The following CDK17 variants were observed in gnomAD, a reference collection of about 807,000 sequenced individuals.
CDK17 encodes cyclin dependent kinase 17.
CDK17 carries 24 observed loss-of-function variants against 77.6 expected under a neutral mutation model. The ratio of observed to expected loss-of-function variants is 0.31; its 90% confidence interval spans 0.22 to 0.44. The LOEUF (loss-of-function observed/expected upper bound fraction) is 0.44, where lower values mean the gene tolerates loss of function less well. CDK17 is among the 20% of genes least tolerant of loss of function. The pLI, the probability that CDK17 is intolerant of heterozygous loss-of-function variation, is 1.00. For synonymous variants in CDK17, 203 were observed against 210.4 expected, an observed-to-expected ratio of 0.96 and a Z score of 0.30; for missense variants, 429 against 622.5, an observed-to-expected ratio of 0.69 and a Z score of 3.31.
chr12:96,326,214 GATC>G (rs1219805395), intron 2 of CDK17, among the ~76,000 whole-genome samples: 1 of 152,130 alleles, frequency 6.6e-6, no homozygotes, highest in African/African-American at 2.4e-5. Flanking sequence ...AAAAAATGGG[GATC>G]ATAAGGACAT....
At chr12:96,386,875 C>G (rs1385392626) in intron 1 of CDK17, 1 of 195,392 alleles carries the variant, frequency 5.1e-6, no homozygotes, top group African/African-American at 2.4e-5. Flanking sequence ...GCCATGTACT[C>G]TTCCTCTACC....
At chr12:96,363,575 T>C (rs1953531638) in intron 1 of CDK17, among the ~76,000 whole-genome samples, 1 of 151,846 alleles carries the variant, frequency 6.6e-6, no homozygotes, top group Admixed American at 6.6e-5. Context: ...GGGCCAGGTG[T>C]GGTGGCTCAT....
At chr12:96,360,311 G>GTATCT (rs1953472441) in intron 1 of CDK17, among the ~76,000 whole-genome samples, 1 of 152,160 alleles carries the variant, frequency 6.6e-6, no homozygotes, top group African/African-American at 2.4e-5. Flanking sequence ...CATTTGAAAG[G>GTATCT]TATCTTGATA....
In CDK17 at chr12:96,315,962, C is replaced by A. The variant is rs554152776; in HGVS notation, c.284-2508G>T. On this transcript the variant is annotated intron_variant, in intron 3 of 16. Coordinates refer to ENST00000261211, the MANE Select transcript of CDK17 (RefSeq NM_002595.5). The stretch of plus-strand genomic sequence containing the variant: ...AAATCAGAGGGAGGAGCCAAGATGG[C>A]CGAATAGGAACAGCTCCGGTCTACA... Among the ~76,000 whole-genome samples the A allele has an allele frequency of 5.9e-5, 9 of 152,188 alleles. No individual in the cohort carries two copies. The East Asian group carries it at 1.4e-3, about 23-fold the overall frequency.
intron 1 of CDK17, among the ~76,000 whole-genome samples, chr12:96,371,495 G>GT (rs1953692334): frequency 6.6e-6 from 1 of 152,170 alleles, no homozygotes; most frequent in African/African-American, 2.4e-5. Flanking sequence ...GACAGCTACT[G>GT]TAAGAATGAA....
At chr12:96,338,523 T>C (rs1195858668) in intron 1 of CDK17, among the ~76,000 whole-genome samples, 1 of 152,118 alleles carries the variant, frequency 6.6e-6, no homozygotes, top group East Asian at 1.9e-4. Flanking sequence ...CATTTCGGAC[T>C]CCAACTTTTT....
chr12:96,347,276 G>A (rs1337110941), intron 1 of CDK17, among the ~76,000 whole-genome samples: 2 of 151,976 alleles, frequency 1.3e-5, no homozygotes, highest in South Asian at 2.1e-4. Flanking sequence ...AAGAAATACA[G>A]GACGTGGCTG....
chr12:96,399,588 G>A (rs1487379913), intron 1 of CDK17, among the ~76,000 whole-genome samples: 1 of 151,114 alleles, frequency 6.6e-6, no homozygotes. Flanking sequence ...CTCCACCCCC[G>A]CCGAGGGGAC....
In CDK17 at chr12:96,313,427, C is replaced by T; in HGVS notation, c.311G>A (p.Gly104Glu). Reference protein sequence around the residue: ...LDIVHENLKMGSDGESDQASG... With the variant: ...LDIVHENLKMESDGESDQASG... The stretch of plus-strand genomic sequence containing the variant: ...AGCTTGGTCACTCTCACCATCTGAT[C>T]CCATTTTTAGATTTTCATGAACAAT... Residue 104 changes from glycine to glutamate, a missense_variant, in exon 4 of 17, where the codon GGA becomes GAA. Around this residue, in one of 4 missense-constraint regions of CDK17, gnomAD observed 262 missense variants for 385.4 expected, o/e 0.68. Transcript: ENST00000261211. 6.4e-7 allele frequency: 1 copy of T among 1,569,018 alleles called. No individual in the cohort carries two copies. The highest frequency in any genetic ancestry group is 8.6e-7 in the Non-Finnish European group (1 of 1,158,996).
chr12:96,313,489 T>C (rs775111676), intron 3 of CDK17, 35 bp from the exon 4 acceptor site: 1 of 1,214,476 alleles, frequency 8.2e-7, no homozygotes, highest in South Asian at 1.6e-5. Context: ...AAGAGATACA[T>C]TATATTCTAA....
intron 13 of CDK17, chr12:96,284,296 C>T (rs1952216874): frequency 1.3e-5 from 2 of 151,946 alleles, no homozygotes; most frequent in South Asian, 4.2e-4. Flanking sequence ...TAGTGAAACC[C>T]CGTCTCTACT....
At chr12:96,311,332 T>C (rs1952643350) in intron 4 of CDK17, among the ~76,000 whole-genome samples, 155 bp from the exon 5 acceptor site, 1 of 152,074 alleles carries the variant, frequency 6.6e-6, no homozygotes, top group Non-Finnish European at 1.5e-5. Flanking sequence ...AATATACTCA[T>C]GGCAAAAACA....
In CDK17 at chr12:96,341,318, T is replaced by C. The variant is rs202227835; in HGVS notation, c.-29-6453A>G. On this transcript the variant is annotated intron_variant, in intron 1 of 16. Coordinates refer to ENST00000261211, the MANE Select transcript of CDK17 (RefSeq NM_002595.5). ...TTACTCATAGCACTTATCATATACA[T>C]ACACACACACACACACACACACACA... 5.6e-4 allele frequency among the ~76,000 whole-genome samples: 84 copies of C among 148,800 alleles called. 1 individual carries two copies. The South Asian group carries it at 8.1e-3, about 14-fold the overall frequency.
intron 2 of CDK17, among the ~76,000 whole-genome samples, chr12:96,324,657 C>T (rs1952869805): frequency 6.6e-6 from 1 of 152,008 alleles, no homozygotes; most frequent in Non-Finnish European, 1.5e-5. Context: ...GTCCCAGCTA[C>T]TCAAGAGGCT....
Position 96,279,444 on chromosome 12 carries a change from A to G in CDK17, c.*798T>C, listed in dbSNP as rs779355833. 6.6e-6 allele frequency: 1 copy of G among 152,262 alleles called. No homozygotes were observed. The highest frequency in any genetic ancestry group is 1.5e-5 in the Non-Finnish European group (1 of 68,032). 9.4% of individuals were successfully genotyped at this position (152,262 alleles called of 1,614,324 possible). ...AGACTTCTACGGTTAAGTTTTAACT[A>G]AATTTAAAACACAATGTAAAATAGG... On this transcript the variant is annotated 3_prime_UTR_variant, in exon 17 of 17. Coordinates refer to ENST00000261211, the MANE Select transcript of CDK17 (RefSeq NM_002595.5).
chr12:96,377,867 G>GT (rs1953809249), intron 1 of CDK17, among the ~76,000 whole-genome samples: 1 of 152,012 alleles, frequency 6.6e-6, no homozygotes, highest in African/African-American at 2.4e-5. Flanking sequence ...CTAATTTTTT[G>GT]TATTTTTAGT....
chr12:96,281,758 G>A (rs1195350655), intron 15 of CDK17: 1 of 152,178 alleles, frequency 6.6e-6, no homozygotes, highest in Non-Finnish European at 1.5e-5. Context: ...AATATATCCA[G>A]TAAAGTTGAA....
At chr12:96,316,046 G>C (rs931285002) in intron 3 of CDK17, among the ~76,000 whole-genome samples, 2 of 152,158 alleles carry the variant, frequency 1.3e-5, no homozygotes, top group Non-Finnish European at 2.9e-5. Context: ...CTGAGGTACC[G>C]GGTTCATCTC....
At chr12:96,348,204 T>C (rs1223302457) in intron 1 of CDK17, among the ~76,000 whole-genome samples, 1 of 151,124 alleles carries the variant, frequency 6.6e-6, no homozygotes, top group African/African-American at 2.4e-5. Context: ...ATAAACAAAA[T>C]AGAGAATAGA....
Sources: allele counts gnomAD v4.1 joint callset (sites outside exome capture counted in the v4.1 genomes callset), GRCh38; gene constraint gnomAD v4.1.1; regional missense constraint gnomAD v4.1.1; transcripts MANE v1.5; gene names NCBI Gene and HGNC (gene_info 2026-07-23, HGNC 2026-07-21).